The following BAIAP2L1 variants were observed in gnomAD, a reference collection of about 807,000 sequenced individuals.
BAIAP2L1 encodes BAR/IMD domain-containing adapter protein 2-like 1.
Under a neutral mutation model 66.3 loss-of-function variants are expected in BAIAP2L1, and 35 were observed. That is an observed-to-expected ratio of 0.53 (90% confidence interval 0.40 to 0.70). BAIAP2L1 has a LOEUF of 0.70. Ranked by LOEUF, BAIAP2L1 falls within the 30% of genes least tolerant of loss-of-function variation. The probability of loss-of-function intolerance (pLI) is 0.00; values close to 1 mark genes in which losing one functional copy is unlikely to be tolerated. For missense variants in BAIAP2L1, 622 were observed against 656.9 expected, an observed-to-expected ratio of 0.95 and a Z score of 0.58; for synonymous variants, 269 against 248.7, an observed-to-expected ratio of 1.08 and a Z score of -0.77.
chr7:98,363,032 T>TTTC (rs1802309530), intron 1 of BAIAP2L1, among the ~76,000 whole-genome samples: 2 of 51,882 alleles, frequency 3.9e-5, no homozygotes, highest in Admixed American at 2.0e-4. Context: ...TTTTTCTTTT[T>TTTC]TTTTTTTTTT....
At chr7:98,324,174 C>G (rs1801322621) in intron 3 of BAIAP2L1, among the ~76,000 whole-genome samples, 1 of 152,198 alleles carries the variant, frequency 6.6e-6, no homozygotes, top group Admixed American at 6.5e-5. Context: ...TGGAGTCACC[C>G]TTTTGGGAAG....
chr7:98,346,030 G>C (rs1163662084), intron 3 of BAIAP2L1, among the ~76,000 whole-genome samples: 1 of 152,164 alleles, frequency 6.6e-6, no homozygotes, highest in African/African-American at 2.4e-5. Context: ...TCTTTTTGCG[G>C]TGATGAAAAT....
At chr7:98,346,882 G>A (rs530467668) in intron 3 of BAIAP2L1, among the ~76,000 whole-genome samples, 1 of 152,284 alleles carries the variant, frequency 6.6e-6, no homozygotes, top group Admixed American at 6.5e-5. Flanking sequence ...GGCCTTTGTG[G>A]CACTGGATGA....
At chr7:98,362,310 T>C in intron 2 of BAIAP2L1, 47 bp downstream of exon 2, 1 of 1,386,966 alleles carries the variant, frequency 7.2e-7, no homozygotes, top group Non-Finnish European at 1.0e-6. Context: ...TAATTACATA[T>C]TTACTGAGTG....
chr7:98,373,144 C>T (rs1323453419), intron 1 of BAIAP2L1, among the ~76,000 whole-genome samples: 1 of 152,196 alleles, frequency 6.6e-6, no homozygotes, highest in African/African-American at 2.4e-5. Flanking sequence ...ACCTGCTCTT[C>T]CTTTAGGGAA....
intron 3 of BAIAP2L1, among the ~76,000 whole-genome samples, chr7:98,333,890 C>T (rs1347904891): frequency 2.0e-5 from 3 of 151,886 alleles, no homozygotes; most frequent in African/African-American, 7.3e-5. Context: ...TTTTAAAAAG[C>T]GGTGCACAAA....
Position 98,352,277 on chromosome 7 carries a change from G to A in BAIAP2L1, c.214+2765C>T, listed in dbSNP as rs185683017. Among the ~76,000 whole-genome samples the A allele has an allele frequency of 6.5e-4, 99 of 152,300 alleles. 1 individual carries two copies. Among genetic ancestry groups the A allele is most frequent in the Middle Eastern group, 3.4e-3 (1 of 294 alleles). ...AACCAGTAACTACATGAGATAGCAA[G>A]TATTAAGCAAAAGGACAGCTTGAAA... On this transcript the variant is annotated intron_variant, in intron 3 of 13. Transcript: ENST00000005260.
intron 3 of BAIAP2L1, among the ~76,000 whole-genome samples, chr7:98,323,710 C>T (rs533735944): frequency 2.4e-4 from 36 of 152,326 alleles, no homozygotes; most frequent in Non-Finnish European, 4.1e-4. Context: ...ACTCTGCGGG[C>T]AGGCAGGCAA....
chr7:98,307,978 CCACCTGTTCT>C (rs1402542497), intron 9 of BAIAP2L1, 82 bp from the exon 10 acceptor site: 4 of 1,322,390 alleles, frequency 3.0e-6, no homozygotes. Context: ...CCCCAGGAAT[CCACCTGTTCT>C]CATCTTGCCA....
intron 3 of BAIAP2L1, among the ~76,000 whole-genome samples, chr7:98,348,158 G>T (rs1801917617): frequency 6.6e-6 from 1 of 151,964 alleles, no homozygotes. Flanking sequence ...ATGAGAAAAA[G>T]AATAAAAGAG....
At chr7:98,394,668 CAGCAGTTTCTCCTAA>C (rs1803157966) in intron 1 of BAIAP2L1, among the ~76,000 whole-genome samples, 3 of 152,220 alleles carry the variant, frequency 2.0e-5, no homozygotes, top group African/African-American at 7.2e-5. Flanking sequence ...GAAAATCAAT[CAGCAGTTTCTCCTAA>C]AGCAAAATAT....
Position 98,304,179 on chromosome 7 carries a change from G to C in BAIAP2L1, c.1422+17C>G. The stretch of plus-strand genomic sequence containing the variant: ...GCGAGTCCAGGACCCAGGACGCCCT[G>C]CTGCGGCTTTACTCACAGGAGCCGC... On this transcript the variant is annotated intron_variant, in intron 12 of 13. Coordinates refer to ENST00000005260, the MANE Select transcript of BAIAP2L1 (RefSeq NM_018842.5). 1 of 1,559,390 alleles carries C rather than the reference G, an allele frequency of 6.4e-7. No homozygotes were observed. The highest frequency in any genetic ancestry group is 8.7e-7 in the Non-Finnish European group (1 of 1,151,626).
intron 3 of BAIAP2L1, among the ~76,000 whole-genome samples, chr7:98,333,336 A>G (rs34835415): frequency 0.4 from 61,242 of 151,920 alleles, 13,308 homozygotes; most frequent in Middle Eastern, 0.55. Context: ...GGTGGCTCAC[A>G]CCTATAATCC....
chr7:98,331,896 T>C (rs1237532704), intron 3 of BAIAP2L1, among the ~76,000 whole-genome samples: 1 of 152,182 alleles, frequency 6.6e-6, no homozygotes, highest in Non-Finnish European at 1.5e-5. Flanking sequence ...ACTTAAGTGT[T>C]GGAAGAAAAA....
At chr7:98,399,432 T>G (rs1467514609) in intron 1 of BAIAP2L1, among the ~76,000 whole-genome samples, 1 of 152,184 alleles carries the variant, frequency 6.6e-6, no homozygotes, top group African/African-American at 2.4e-5. Context: ...TTTTAGGAAT[T>G]CAGACCTTGA....
chr7:98,315,153 G>A (rs746439666), intron 7 of BAIAP2L1, among the ~76,000 whole-genome samples: 4 of 152,132 alleles, frequency 2.6e-5, no homozygotes, highest in Admixed American at 6.5e-5. Context: ...ACAGGGTCCC[G>A]CTCTGTTGCT....
intron 5 of BAIAP2L1, among the ~76,000 whole-genome samples, chr7:98,318,724 C>T (rs1469438420): frequency 6.6e-6 from 1 of 151,522 alleles, no homozygotes; most frequent in Non-Finnish European, 1.5e-5. Flanking sequence ...GCAGGTGCAC[C>T]ACGAGGTCAG....
intron 1 of BAIAP2L1, among the ~76,000 whole-genome samples, chr7:98,372,276 G>C (rs1425002735): frequency 3.3e-5 from 5 of 151,970 alleles, no homozygotes; most frequent in African/African-American, 1.2e-4. Context: ...CATGGGGACG[G>C]GCGCCTGTAG....
intron 1 of BAIAP2L1, among the ~76,000 whole-genome samples, chr7:98,391,124 G>C (rs933823266): frequency 1.3e-5 from 2 of 151,624 alleles, no homozygotes; most frequent in Non-Finnish European, 2.9e-5. Context: ...TTACAGGCGT[G>C]AGCCACTGTG....
Sources: gnomAD v4.1 joint callset for allele counts (sites outside exome capture counted in the v4.1 genomes callset) on GRCh38, gnomAD v4.1.1 for gene constraint, MANE v1.5 for transcripts, NCBI Gene and HGNC (gene_info 2026-07-23, HGNC 2026-07-21) for gene names.